The following CDH12 variants were observed in gnomAD, a reference collection of about 807,000 sequenced individuals.
CDH12 encodes the protein cadherin 12.
A neutral mutation model predicts 74.1 loss-of-function variants in CDH12; 41 were observed. That is an observed-to-expected ratio of 0.55 (90% CI 0.43 to 0.72). The LOEUF (loss-of-function observed/expected upper bound fraction) is 0.72. Among genes scored for constraint, CDH12 ranks in the 30% least tolerant of loss-of-function variants. The pLI, the probability that CDH12 is intolerant of heterozygous loss-of-function variation, is 0.00. For synonymous variants in CDH12, 399 were observed against 355.0 expected, an observed-to-expected ratio of 1.12 and a Z score of -1.39; for missense variants, 945 against 977.2, an observed-to-expected ratio of 0.97 and a Z score of 0.44.
At position 22,078,765 on chromosome 5, in the gene CDH12, C is replaced by T. The variant is rs1284289006; in HGVS notation, c.-89G>A. 12 of 1,521,516 alleles carry T rather than the reference C, an allele frequency of 7.9e-6. No homozygotes were observed. The Admixed American group carries it at 2.0e-4, about 26-fold the overall frequency. The allele number at this position is 1,521,516 out of a possible 1,614,324, so 94.3% of individuals were successfully genotyped here. A position where few individuals can be genotyped will look rare whatever the true frequency, so the allele number is the denominator to read the frequency against. The stretch of plus-strand genomic sequence containing the variant: ...CCAGGTTTGAGGTGTCTGTGGCCTC[C>T]ACCACTTAGCTTCTTGTTTTATTGC... On this transcript the variant is annotated 5_prime_UTR_variant, in exon 5 of 15. Coordinates refer to ENST00000382254, the MANE Select transcript of CDH12 (RefSeq NM_004061.5).
At chr5:21,904,526 T>C (rs888682273) in intron 6 of CDH12, among the ~76,000 whole-genome samples, 2 of 152,108 alleles carry the variant, frequency 1.3e-5, no homozygotes, top group African/African-American at 4.8e-5. Context: ...CCCAGCACTT[T>C]GAGAGGCTTG....
chr5:22,010,453 T>C (rs539105410), intron 5 of CDH12, among the ~76,000 whole-genome samples: 2 of 152,326 alleles, frequency 1.3e-5, no homozygotes, highest in Middle Eastern at 3.4e-3. Context: ...TCTTTTATTC[T>C]GGGTGAATGC....
chr5:22,625,115 A>G (rs1468634295), intron 1 of CDH12, among the ~76,000 whole-genome samples: 1 of 152,132 alleles, frequency 6.6e-6, no homozygotes, highest in Non-Finnish European at 1.5e-5. Context: ...AACAATGAGA[A>G]CACTTGGACA....
intron 5 of CDH12, among the ~76,000 whole-genome samples, chr5:21,987,794 G>A (rs1313179532): frequency 1.3e-5 from 2 of 152,198 alleles, no homozygotes; most frequent in Admixed American, 6.5e-5. Flanking sequence ...CTAGGGAAAA[G>A]CATCTGCAGT....
At chr5:22,444,621 G>A (rs1744748517) in intron 2 of CDH12, among the ~76,000 whole-genome samples, 1 of 150,504 alleles carries the variant, frequency 6.6e-6, no homozygotes, top group South Asian at 2.1e-4. Context: ...TTCCAGTTGA[G>A]AAACACGACT....
chr5:22,695,964 C>A (rs1158443284), intron 1 of CDH12, among the ~76,000 whole-genome samples: 1 of 152,114 alleles, frequency 6.6e-6, no homozygotes, highest in Non-Finnish European at 1.5e-5. Context: ...ATTCAACAAT[C>A]TTAACCAACA....
Position 22,848,142 on chromosome 5 carries a change from ACT to A in CDH12, c.-523+4914_-523+4915del, listed in dbSNP as rs1405768678. On this transcript the variant is annotated intron_variant, in intron 1 of 14. Coordinates refer to ENST00000382254, the MANE Select transcript of CDH12 (RefSeq NM_004061.5). ...ACAAATTTCCCTTCATTATGTACTAACTCTCTGGTTACCTCCTGTTGTCTCTT... is the reference window on the plus strand; with the variant it reads ...ACAAATTTCCCTTCATTATGTACTAACTCTGGTTACCTCCTGTTGTCTCTT... Among the ~76,000 whole-genome samples the A allele has an allele frequency of 3.3e-5, 5 of 151,832 alleles. No homozygotes were observed. The South Asian group carries it at 8.4e-4, about 25-fold the overall frequency.
intron 5 of CDH12, among the ~76,000 whole-genome samples, chr5:21,985,078 A>C (rs1202381694): frequency 6.6e-6 from 1 of 152,162 alleles, no homozygotes; most frequent in Non-Finnish European, 1.5e-5. Flanking sequence ...TTTTCTGAAC[A>C]CGAAGCCCCA....
chr5:22,683,760 G>T (rs1741618631), intron 1 of CDH12, among the ~76,000 whole-genome samples: 1 of 152,164 alleles, frequency 6.6e-6, no homozygotes, highest in Non-Finnish European at 1.5e-5. Context: ...ATGGAAAAAG[G>T]TTTCGTTTAG....
intron 1 of CDH12, among the ~76,000 whole-genome samples, chr5:22,771,580 CTATTCTT>C (rs1746807733): frequency 6.6e-6 from 1 of 151,922 alleles, no homozygotes; most frequent in Non-Finnish European, 1.5e-5. Context: ...CCTTTAGTCT[CTATTCTT>C]TATAAAAGAA....
chr5:22,427,418 A>G (rs1487564551), intron 2 of CDH12, among the ~76,000 whole-genome samples: 1 of 152,102 alleles, frequency 6.6e-6, no homozygotes, highest in Non-Finnish European at 1.5e-5. Context: ...CACCCACCAC[A>G]GCCTCCCAAA....
intron 12 of CDH12, among the ~76,000 whole-genome samples, chr5:21,762,058 A>T (rs1744757199): frequency 6.6e-6 from 1 of 152,106 alleles, no homozygotes; most frequent in Non-Finnish European, 1.5e-5. Flanking sequence ...CAGATCACTC[A>T]ATTTCATTGA....
intron 3 of CDH12, among the ~76,000 whole-genome samples, chr5:22,290,854 C>T (rs779483245): frequency 1.1e-4 from 16 of 151,970 alleles, no homozygotes; most frequent in East Asian, 1.9e-4. Flanking sequence ...GAAACTAAAG[C>T]GGTAATAAAA....
chr5:21,977,845 C>T (rs914114761), intron 5 of CDH12, among the ~76,000 whole-genome samples: 2 of 151,992 alleles, frequency 1.3e-5, no homozygotes, highest in Admixed American at 6.6e-5. Context: ...CTATAAAACT[C>T]GTGAGAGAAT....
chr5:22,831,062 A>G (rs2126499494), intron 1 of CDH12, among the ~76,000 whole-genome samples: 1 of 152,156 alleles, frequency 6.6e-6, no homozygotes, highest in East Asian at 1.9e-4. Flanking sequence ...CAAATATTAA[A>G]AGATGAGAGA....
intron 9 of CDH12, among the ~76,000 whole-genome samples, chr5:21,806,082 G>A (rs995475888): frequency 2.2e-4 from 34 of 152,214 alleles, no homozygotes; most frequent in Middle Eastern, 3.4e-3. Flanking sequence ...AATGAAATAT[G>A]ATATACTCAA....
At chr5:21,878,592 A>AAAT (rs1210596917) in intron 6 of CDH12, among the ~76,000 whole-genome samples, 1 of 150,000 alleles carries the variant, frequency 6.7e-6, no homozygotes, top group Admixed American at 6.7e-5. Flanking sequence ...AAAAAAAAAA[A>AAAT]ATTAGCCAGG....
intron 1 of CDH12, among the ~76,000 whole-genome samples, chr5:22,830,107 C>T (rs1321579601): frequency 2.6e-5 from 4 of 152,020 alleles, no homozygotes; most frequent in Non-Finnish European, 5.9e-5. Flanking sequence ...CTTCCTCAGG[C>T]GATATCATCA....
At chr5:22,658,645 T>C (rs1178258866) in intron 1 of CDH12, among the ~76,000 whole-genome samples, 4 of 152,054 alleles carry the variant, frequency 2.6e-5, no homozygotes, top group East Asian at 1.9e-4. Flanking sequence ...CAGCTGATCA[T>C]TGTCTGAAGA....
Sources: allele counts gnomAD v4.1 joint callset (sites outside exome capture counted in the v4.1 genomes callset), GRCh38; gene constraint gnomAD v4.1.1; transcripts MANE v1.5; gene names NCBI Gene and HGNC (gene_info 2026-07-23, HGNC 2026-07-21).